EBAG9: variants seen among roughly 807,000 people sequenced by gnomAD.
EBAG9 encodes estrogen receptor binding site associated antigen 9.
In EBAG9, 16 loss-of-function variants were observed where a neutral mutation model predicts 30.9. The observed-to-expected ratio is 0.52, with a 90% CI of 0.35 to 0.79. The LOEUF is 0.79. EBAG9 is among the 30% of genes least tolerant of loss of function. The probability of loss-of-function intolerance (pLI) is 0.01; values close to 1 mark genes in which losing one functional copy is unlikely to be tolerated. For synonymous variants in EBAG9, 93 were observed against 82.8 expected (o/e 1.12, Z -0.67); for missense variants, 197 against 242.1 (o/e 0.81, Z 1.24).
At chr8:109,563,525 G>C (rs748085764) in intron 6 of EBAG9, 48 of 1,595,802 alleles carry the variant, frequency 3.0e-5, no homozygotes, top group Non-Finnish European at 2.5e-5. Flanking sequence ...TACGGAAAGA[G>C]TAAGGAACAG....
intron 1 of EBAG9, among the ~76,000 whole-genome samples, chr8:109,542,901 A>G (rs1821305252): frequency 6.6e-6 from 1 of 152,164 alleles, no homozygotes; most frequent in Non-Finnish European, 1.5e-5. Flanking sequence ...AGAAGACTTT[A>G]CAGTACTCCA....
At position 109,554,002 on chromosome 8, in the gene EBAG9, C is replaced by G. The variant is rs1821547119; in HGVS notation, c.162+59C>G. 3 of 1,256,748 alleles carry G rather than the reference C, an allele frequency of 2.4e-6. No individual in the cohort carries two copies. The Admixed American group carries it at 8.1e-5, about 34-fold the overall frequency. The allele number at this position is 1,256,748 out of a possible 1,614,324, so 77.8% of individuals were successfully genotyped here. ...TTGTTTTGAAAGATTGAATAAGTGT[C>G]CTAGAACAATATTTTAAAAACTGGA... On this transcript the variant is annotated intron_variant, in intron 3 of 6. Coordinates refer to ENST00000337573, the MANE Select transcript of EBAG9 (RefSeq NM_004215.5).
At chr8:109,541,561 C>T (rs1255517511) in intron 1 of EBAG9, among the ~76,000 whole-genome samples, 2 of 152,166 alleles carry the variant, frequency 1.3e-5, no homozygotes, top group Non-Finnish European at 1.5e-5. Context: ...TAGTTTCCTT[C>T]CATTCAACAA....
intron 1 of EBAG9, 128 bp from the exon 2 acceptor site, chr8:109,550,682 G>GAGTAAAAT: frequency 3.1e-6 from 2 of 637,356 alleles, no homozygotes. Context: ...AATTTACTGT[G>GAGTAAAAT]TTATAGTTTC....
At chr8:109,558,968 CT>C (rs1821658548) in intron 5 of EBAG9, among the ~76,000 whole-genome samples, 1 of 151,964 alleles carries the variant, frequency 6.6e-6, no homozygotes, top group African/African-American at 2.4e-5. Context: ...TTCCTTTTTA[CT>C]AAGGCCATCT....
chr8:109,561,999 T>C lies in EBAG9; in HGVS notation c.521+1070T>C, dbSNP rs183107434. Among the ~76,000 whole-genome samples, 197 of 151,922 alleles carry C rather than the reference T, an allele frequency of 1.3e-3. 1 individual carries two copies. The highest frequency in any genetic ancestry group is 6.8e-3 in the Middle Eastern group (2 of 294). ...GTTCTTATTTAATCAGTATAGCTTA[T>C]CTTTTATAAAGGGAATATTTTTTAA... On this transcript the variant is annotated intron_variant, in intron 6 of 6. Transcript: ENST00000337573.
In EBAG9 at chr8:109,554,724, T is replaced by C; in HGVS notation, c.163-5T>C. 6.2e-7 allele frequency: 1 copy of C among 1,611,804 alleles called. No individual in the cohort carries two copies. The highest frequency in any genetic ancestry group is 1.3e-5 in the African/African-American group (1 of 74,918). On this transcript the variant is annotated splice_region_variant and splice_polypyrimidine_tract_variant and intron_variant, in intron 3 of 6. Coordinates refer to ENST00000337573, the MANE Select transcript of EBAG9 (RefSeq NM_004215.5). ...TGGCTGATAATGTTGATCAATTAAA[T>C]TTAGACAGATGTTGAAGAGTGGACT...
chr8:109,564,850 C>G lies in EBAG9; in HGVS notation c.*291C>G, dbSNP rs1821788749. 4.8e-6 allele frequency: 1 copy of G among 208,346 alleles called. No homozygotes were observed. The highest frequency in any genetic ancestry group is 9.5e-6 in the Non-Finnish European group (1 of 104,864). 12.9% of individuals were successfully genotyped at this position (208,346 alleles called of 1,614,324 possible). On this transcript the variant is annotated 3_prime_UTR_variant, in exon 7 of 7. Transcript: ENST00000337573. The stretch of plus-strand genomic sequence containing the variant: ...ATGGAATATATCAGTACCTCTCAAG[C>G]TAGTGTTTCTAGCTAAATAAATGGG...
At chr8:109,563,676 A>C in intron 6 of EBAG9, 1 of 875,538 alleles carries the variant, frequency 1.1e-6, no homozygotes, top group South Asian at 1.9e-5. Flanking sequence ...TGTCGTACAG[A>C]TATTTCATCA....
rs535100870 is a variant in EBAG9, at chr8:109,557,969, A to G, written c.429+927A>G. 2.4e-3 allele frequency: 472 copies of G among 195,690 alleles called. 5 individuals are homozygous for G. Among genetic ancestry groups the G allele is most frequent in the Admixed American group, 0.019 (356 of 19,032 alleles). 12.1% of individuals were successfully genotyped at this position (195,690 alleles called of 1,614,324 possible). A position where few individuals can be genotyped will look rare whatever the true frequency, so the allele number is the denominator to read the frequency against. Reference sequence around the variant, plus strand: ...CTTGCTCATGGGTGAGGGTGACACCACAATGCCTTTTTGTGATGTGGTTTT... The same window carrying G: ...CTTGCTCATGGGTGAGGGTGACACCGCAATGCCTTTTTGTGATGTGGTTTT... On this transcript the variant is annotated intron_variant, in intron 5 of 6. Coordinates refer to ENST00000337573, the MANE Select transcript of EBAG9 (RefSeq NM_004215.5).
chr8:109,541,004 C>G (rs1048600345), intron 1 of EBAG9, among the ~76,000 whole-genome samples: 2 of 152,072 alleles, frequency 1.3e-5, no homozygotes, highest in Non-Finnish European at 2.9e-5. Flanking sequence ...AGATATAATA[C>G]ATTTGATCTA....
chr8:109,545,695 T>A (rs904117630), intron 1 of EBAG9, among the ~76,000 whole-genome samples: 2 of 152,146 alleles, frequency 1.3e-5, no homozygotes, highest in African/African-American at 4.8e-5. Flanking sequence ...TTTATTCCTA[T>A]CATTGCTATG....
intron 6 of EBAG9, 81 bp downstream of exon 6, chr8:109,561,010 A>C: frequency 8.5e-7 from 1 of 1,178,648 alleles, no homozygotes; most frequent in Non-Finnish European, 1.2e-6. Context: ...AAGGGAGCCT[A>C]TTTTGCCAAA....
At chr8:109,556,414 A>G (rs35060602) in intron 4 of EBAG9, among the ~76,000 whole-genome samples, 1 of 152,242 alleles carries the variant, frequency 6.6e-6, no homozygotes, top group East Asian at 1.9e-4. Flanking sequence ...TAATAGATGA[A>G]TACCTTGCAT....
At chr8:109,545,802 G>A (rs1185745170) in intron 1 of EBAG9, among the ~76,000 whole-genome samples, 1 of 152,140 alleles carries the variant, frequency 6.6e-6, no homozygotes, top group Non-Finnish European at 1.5e-5. Flanking sequence ...TTTAAGGACT[G>A]AGACACTACA....
intron 1 of EBAG9, among the ~76,000 whole-genome samples, chr8:109,545,157 A>G (rs952456890): frequency 6.6e-5 from 10 of 151,668 alleles, no homozygotes; most frequent in Admixed American, 5.9e-4. Context: ...CCCTGTCTGT[A>G]CTAAAAATAC....
chr8:109,550,928 A>T, intron 2 of EBAG9, 21 bp downstream of exon 2: 1 of 1,485,210 alleles, frequency 6.7e-7, no homozygotes, highest in Non-Finnish European at 9.2e-7. Flanking sequence ...TTTATGTTCA[A>T]ACTAACCTGT....
At chr8:109,546,873 T>C (rs1821395968) in intron 1 of EBAG9, among the ~76,000 whole-genome samples, 1 of 152,230 alleles carries the variant, frequency 6.6e-6, no homozygotes, top group African/African-American at 2.4e-5. Flanking sequence ...AGTTCATTCC[T>C]TTTTATTGCT....
At chr8:109,564,127 G>T (rs1249335019) in intron 6 of EBAG9, among the ~76,000 whole-genome samples, 1 of 152,092 alleles carries the variant, frequency 6.6e-6, no homozygotes, top group Non-Finnish European at 1.5e-5. Flanking sequence ...TAAATAAGAA[G>T]TGTCAGAAGA....
Sources: gnomAD v4.1 joint callset for allele counts (sites outside exome capture counted in the v4.1 genomes callset) on GRCh38, gnomAD v4.1.1 for gene constraint, MANE v1.5 for transcripts, NCBI Gene and HGNC (gene_info 2026-07-23, HGNC 2026-07-21) for gene names.